The following RYR2 variants were observed in gnomAD, a reference collection of about 807,000 sequenced individuals.
The protein encoded by RYR2 is ryanodine receptor 2.
RYR2 carries 227 observed loss-of-function variants against 601.1 expected under a neutral mutation model. The observed-to-expected ratio is 0.38, with a 90% CI of 0.34 to 0.42. The LOEUF (loss-of-function observed/expected upper bound fraction) is 0.42, where lower values mean the gene tolerates loss of function less well. RYR2 is among the 10% of genes least tolerant of loss of function. The pLI is 1.00. For missense variants in RYR2, 4,646 were observed against 6,156.5 expected (o/e 0.75, Z 8.21); for synonymous variants, 2,223 against 2,175.1 (o/e 1.02, Z -0.61).
At chr1:237,712,422 C>G (rs575380598) in intron 71 of RYR2, among the ~76,000 whole-genome samples, 12 of 152,044 alleles carry the variant, frequency 7.9e-5, no homozygotes, top group Admixed American at 2.6e-4. Context: ...CTCCCCAAAC[C>G]AAGGAAGCCA....
chr1:237,770,832 G>A lies in RYR2; in HGVS notation c.11502G>A (p.Glu3834=). ...GAGAAAAGGTTCTGCAGGACGATGA[G>A]TTCACCTGTGACCTCTTCCGATTCC... ...GSGEKVLQDD[E]FTCDLFRFLQ... Residue 3834 remains glutamate, a synonymous_variant, in exon 85 of 105, where the codon GAG becomes GAA. Coordinates refer to ENST00000366574, the MANE Select transcript of RYR2 (RefSeq NM_001035.3). 3.2e-6 allele frequency: 5 copies of A among 1,554,226 alleles called. No homozygotes were observed. Among genetic ancestry groups the A allele is most frequent in the East Asian group, 2.4e-5 (1 of 41,372 alleles).
chr1:237,327,786 T>C (rs760990872), intron 2 of RYR2, among the ~76,000 whole-genome samples: 3 of 152,216 alleles, frequency 2.0e-5, no homozygotes, highest in Admixed American at 2.0e-4. Context: ...ACATATATTA[T>C]TTCATTTATT....
chr1:237,101,415 T>A (rs1204629184), intron 1 of RYR2, among the ~76,000 whole-genome samples: 2 of 151,242 alleles, frequency 1.3e-5, no homozygotes, highest in African/African-American at 4.9e-5. Context: ...CAGTGGTAGA[T>A]TTTTTTTTAA....
intron 60 of RYR2, among the ~76,000 whole-genome samples, chr1:237,676,513 G>A (rs1435328197): frequency 6.6e-6 from 1 of 152,172 alleles, no homozygotes; most frequent in African/African-American, 2.4e-5. Flanking sequence ...AACTCCTGAT[G>A]TTGTGTGTAC....
intron 24 of RYR2, among the ~76,000 whole-genome samples, chr1:237,528,206 C>G (rs1667780441): frequency 6.6e-6 from 1 of 152,128 alleles, no homozygotes; most frequent in Admixed American, 6.5e-5. Flanking sequence ...ATACTGTATA[C>G]TGAAGTTGCT....
At chr1:237,474,963 C>G (rs546799311) in intron 17 of RYR2, among the ~76,000 whole-genome samples, 2 of 152,266 alleles carry the variant, frequency 1.3e-5, no homozygotes, top group Admixed American at 1.3e-4. Context: ...AGGCCTCTTA[C>G]AATGTGTAAT....
At chr1:237,526,383 T>G (rs1245323442) in intron 24 of RYR2, among the ~76,000 whole-genome samples, 1 of 152,078 alleles carries the variant, frequency 6.6e-6, no homozygotes, top group African/African-American at 2.4e-5. Context: ...AGTCTCACTC[T>G]GTAGCCCAGG....
chr1:237,356,803 G>A (rs1403350485), intron 4 of RYR2, among the ~76,000 whole-genome samples: 1 of 152,188 alleles, frequency 6.6e-6, no homozygotes, highest in East Asian at 1.9e-4. Context: ...CCTCAAGACT[G>A]ATATTCCTAC....
At chr1:237,677,218 G>A (rs913826426) in intron 60 of RYR2, among the ~76,000 whole-genome samples, 53 of 151,940 alleles carry the variant, frequency 3.5e-4, no homozygotes, top group African/African-American at 1.1e-3. Context: ...TTGAATATCT[G>A]GAAGCTCTGC....
At chr1:237,068,104 C>G (rs1173422921) in intron 1 of RYR2, among the ~76,000 whole-genome samples, 1 of 144,390 alleles carries the variant, frequency 6.9e-6, no homozygotes, top group Non-Finnish European at 1.5e-5. Flanking sequence ...ATGTCAATCT[C>G]AGAATAGATA....
chr1:237,709,218 A>G, intron 69 of RYR2, 120 bp downstream of exon 69: 1 of 953,340 alleles, frequency 1.0e-6, no homozygotes, highest in Non-Finnish European at 1.5e-6. Context: ...AATTATAATT[A>G]ACTGTTTATA....
At chr1:237,668,523 G>A (rs1468166236) in intron 58 of RYR2, among the ~76,000 whole-genome samples, 2 of 152,166 alleles carry the variant, frequency 1.3e-5, no homozygotes, top group African/African-American at 4.8e-5. Context: ...TACACATATT[G>A]TTTATAATGT....
chr1:237,493,621 T>G (rs1427723256), intron 19 of RYR2, among the ~76,000 whole-genome samples: 1 of 151,898 alleles, frequency 6.6e-6, no homozygotes, highest in Non-Finnish European at 1.5e-5. Context: ...CCTGGCTAAT[T>G]TTTTGTATTT....
intron 1 of RYR2, among the ~76,000 whole-genome samples, chr1:237,245,049 T>TA (rs67784248): frequency 1.0e-3 from 154 of 149,820 alleles, no homozygotes; most frequent in Middle Eastern, 3.4e-3. Context: ...CTCTAAAAAA[T>TA]AAAAAAAAAA....
chr1:237,773,469 G>A (rs1234103540), intron 86 of RYR2, 51 bp from the exon 87 acceptor site: 2 of 1,404,790 alleles, frequency 1.4e-6, no homozygotes, highest in South Asian at 2.4e-5. Context: ...TTAGTCAATG[G>A]TAACTTTAGA....
At chr1:237,335,856 A>G (rs1349726575) in intron 3 of RYR2, among the ~76,000 whole-genome samples, 2 of 152,206 alleles carry the variant, frequency 1.3e-5, no homozygotes, top group African/African-American at 4.8e-5. Context: ...ACCGCTATGT[A>G]AGTTATGGAT....
intron 1 of RYR2, among the ~76,000 whole-genome samples, chr1:237,051,578 C>A (rs1175066255): frequency 6.6e-6 from 1 of 152,062 alleles, no homozygotes; most frequent in Non-Finnish European, 1.5e-5. Flanking sequence ...GAGGAGTAAC[C>A]ATTTCTAGTC....
At chr1:237,072,516 G>T (rs1396279182) in intron 1 of RYR2, among the ~76,000 whole-genome samples, 2 of 152,130 alleles carry the variant, frequency 1.3e-5, no homozygotes, top group Non-Finnish European at 2.9e-5. Context: ...GCACCAACCA[G>T]CAAGGGGGAA....
chr1:237,411,378 G>C (rs973825812), intron 10 of RYR2, among the ~76,000 whole-genome samples: 1 of 152,140 alleles, frequency 6.6e-6, no homozygotes, highest in Non-Finnish European at 1.5e-5. Flanking sequence ...TTAATAGGTA[G>C]GCTTCATTTC....
Sources: allele counts gnomAD v4.1 joint callset (sites outside exome capture counted in the v4.1 genomes callset), GRCh38; gene constraint gnomAD v4.1.1; transcripts MANE v1.5; gene names NCBI Gene and HGNC (gene_info 2026-07-23, HGNC 2026-07-21).